Variants in STX2 observed in about 807,000 individuals in gnomAD.
STX2 encodes syntaxin-2.
Under a neutral mutation model 40.6 loss-of-function variants are expected in STX2, and 27 were observed. The ratio of observed to expected loss-of-function variants is 0.66; its 90% CI spans 0.49 to 0.92. The LOEUF (loss-of-function observed/expected upper bound fraction) is 0.92. STX2 is among the 40% of genes least tolerant of loss of function. The pLI, the probability that STX2 is intolerant of heterozygous loss-of-function variation, is 0.00. For missense variants in STX2, 328 were observed against 366.1 expected (o/e 0.90, Z 0.85); for synonymous variants, 123 against 119.1 (o/e 1.03, Z -0.22).
chr12:130,813,269 A>G lies in STX2; in HGVS notation c.206-238T>C, dbSNP rs79508530. On this transcript the variant is annotated intron_variant, in intron 3 of 10. Coordinates refer to ENST00000392373, the MANE Select transcript of STX2 (RefSeq NM_194356.4). ...AATCCCTGGGGCCCACCCTGGACCTACTCAGAAACTGAGGTGGGGACAGTG... is the reference window on the plus strand; with the variant it reads ...AATCCCTGGGGCCCACCCTGGACCTGCTCAGAAACTGAGGTGGGGACAGTG... Among the ~76,000 whole-genome samples the G allele has an allele frequency of 1.5e-3, 223 of 152,282 alleles. 5 individuals carry two copies. In the East Asian group the frequency reaches 0.033, roughly 23 times the overall value.
At chr12:130,796,755 G>A (rs149200513) in intron 9 of STX2, among the ~76,000 whole-genome samples, 12 of 152,246 alleles carry the variant, frequency 7.9e-5, no homozygotes, top group East Asian at 7.7e-4. Context: ...GCTCAGTGAC[G>A]GAGAGCCCCA....
At chr12:130,804,323 C>T (rs761610802) in intron 6 of STX2, among the ~76,000 whole-genome samples, 3 of 152,152 alleles carry the variant, frequency 2.0e-5, no homozygotes, top group Admixed American at 6.5e-5. Flanking sequence ...GAAGACAGCC[C>T]GCTGTGTGGC....
At chr12:130,803,912 G>C (rs934029812) in intron 6 of STX2, among the ~76,000 whole-genome samples, 3 of 152,160 alleles carry the variant, frequency 2.0e-5, no homozygotes, top group Non-Finnish European at 4.4e-5. Flanking sequence ...ACTGAGTCAT[G>C]GCTATTTATA....
Position 130,839,073 on chromosome 12 carries a change from C to G in STX2, c.27G>C (p.Thr9=). The stretch of plus-strand genomic sequence containing the variant: ...GCTACCCGCGGCTGCCGCTCACCGC[C>G]GTCAGGTCTGGCAGCCGGTCCCGCA... MRDRLPDL[T]ACRKNDDGDT... Residue 9 remains threonine (T), a synonymous_variant, in exon 1 of 11, where the codon ACG becomes ACC. Coordinates refer to ENST00000392373, the MANE Select transcript of STX2 (RefSeq NM_194356.4). 1 of 1,341,078 alleles carries G rather than the reference C, an allele frequency of 7.5e-7. No individual in the cohort carries two copies. Among genetic ancestry groups the G allele is most frequent in the Non-Finnish European group, 9.6e-7 (1 of 1,042,342 alleles). The allele number at this position is 1,341,078 out of a possible 1,614,324, so 83.1% of individuals were successfully genotyped here. A position where few individuals can be genotyped will look rare whatever the true frequency, so the allele number is the denominator to read the frequency against.
chr12:130,831,529 G>C (rs77377351), intron 1 of STX2, among the ~76,000 whole-genome samples: 1 of 152,054 alleles, frequency 6.6e-6, no homozygotes, highest in African/African-American at 2.4e-5. Context: ...TTAGCCAGGC[G>C]TGGTGGCTCA....
rs1232424010 is a variant in STX2 at position 130,818,184 on chromosome 12, AAATAT to A, written c.205+3500_205+3504del. 6.2e-4 allele frequency among the ~76,000 whole-genome samples: 23 copies of A among 37,254 alleles called. 1 individual carries two copies. The highest frequency in any genetic ancestry group is 9.6e-4 in the African/African-American group (12 of 12,436). 24.4% of individuals were successfully genotyped at this position (37,254 alleles called of 152,430 possible). On this transcript the variant is annotated intron_variant, in intron 3 of 10. Transcript: ENST00000392373. Reference sequence around the variant, plus strand: ...CGCTGTTTCTACAAAAAAAAAAAAAAAATATATATATATATATATATATATATATA... The same window carrying A: ...CGCTGTTTCTACAAAAAAAAAAAAAAATATATATATATATATATATATATA...
chr12:130,791,548 A>G lies in STX2; in HGVS notation c.*475T>C, dbSNP rs376698581. 2.2e-4 allele frequency: 37 copies of G among 166,122 alleles called. No homozygotes were observed. The East Asian group carries it at 3.8e-3, about 17-fold the overall frequency. The allele number at this position is 166,122 out of a possible 1,614,324, so 10.3% of individuals were successfully genotyped here. ...CTCAAAAAAAAAAAAAAAAGCCTTC[A>G]TAACATAAAGCATTCCTTCCTAATT... On this transcript the variant is annotated 3_prime_UTR_variant, in exon 11 of 11. Coordinates refer to ENST00000392373, the MANE Select transcript of STX2 (RefSeq NM_194356.4).
At chr12:130,801,683 G>A (rs185306370) in intron 6 of STX2, among the ~76,000 whole-genome samples, 195 bp from the exon 7 acceptor site, 218 of 152,248 alleles carry the variant, frequency 1.4e-3, no homozygotes, top group Non-Finnish European at 2.5e-3. Context: ...AAAATACTCC[G>A]AGAAACTTTG....
intron 6 of STX2, among the ~76,000 whole-genome samples, chr12:130,803,932 C>A (rs1439592039): frequency 6.6e-6 from 1 of 152,188 alleles, no homozygotes; most frequent in African/African-American, 2.4e-5. Flanking sequence ...AATCTTAACT[C>A]CTCCCCCTTA....
chr12:130,839,100 C>A lies in STX2; in HGVS notation c.-1G>T. On this transcript the variant is annotated 5_prime_UTR_variant, in exon 1 of 11. Transcript: ENST00000392373. ...TCAGGTCTGGCAGCCGGTCCCGCATCCCCGCCGGCCGGGCAGCGCGCCCCG... is the reference window on the plus strand; with the variant it reads ...TCAGGTCTGGCAGCCGGTCCCGCATACCCGCCGGCCGGGCAGCGCGCCCCG... 7.7e-7 allele frequency: 1 copy of A among 1,293,494 alleles called. No homozygotes were observed. The highest frequency in any genetic ancestry group is 9.8e-7 in the Non-Finnish European group (1 of 1,016,898). 80.1% of individuals were successfully genotyped at this position (1,293,494 alleles called of 1,614,324 possible).
intron 3 of STX2, among the ~76,000 whole-genome samples, chr12:130,814,407 G>C (rs141305893): frequency 7.9e-5 from 12 of 152,208 alleles, no homozygotes; most frequent in Middle Eastern, 3.4e-3. Flanking sequence ...TGACCTGGGA[G>C]TGGAGAGACT....
In STX2 at chr12:130,824,162, G is replaced by A. The variant is rs1050207602; in HGVS notation, c.106-2374C>T. Among the ~76,000 whole-genome samples the A allele has an allele frequency of 1.1e-4, 5 of 44,796 alleles. No homozygotes were observed. In the Admixed American group the frequency reaches 1.6e-3, roughly 14 times the overall value. The allele number at this position is 44,796 out of a possible 152,430, so 29.4% of individuals were successfully genotyped here. A position where few individuals can be genotyped will look rare whatever the true frequency, so the allele number is the denominator to read the frequency against. ...CCCAGCATTTTGGGAGGCCAAGGCGGGCAGATCACTTGAGGTCAAAAGTTC... is the reference window on the plus strand; with the variant it reads ...CCCAGCATTTTGGGAGGCCAAGGCGAGCAGATCACTTGAGGTCAAAAGTTC... On this transcript the variant is annotated intron_variant, in intron 2 of 10. Coordinates refer to ENST00000392373, the MANE Select transcript of STX2 (RefSeq NM_194356.4).
At chr12:130,814,327 G>C (rs555468239) in intron 3 of STX2, among the ~76,000 whole-genome samples, 13 of 152,278 alleles carry the variant, frequency 8.5e-5, no homozygotes, top group African/African-American at 3.1e-4. Flanking sequence ...GACGAGACAG[G>C]GTTCACAAAA....
Position 130,806,910 on chromosome 12 carries a change from TAA to T in STX2, c.463+70_463+71del. 2.2e-6 allele frequency: 3 copies of T among 1,388,376 alleles called. No individual in the cohort carries two copies. In the South Asian group the frequency reaches 3.6e-5, roughly 17 times the overall value. 86.0% of individuals were successfully genotyped at this position (1,388,376 alleles called of 1,614,324 possible). ...AGACATGGATTTCCTTTTCTGAAGTTAAAGTCATTTGAAGTGAGACCTTAAGG... is the reference window on the plus strand; with the variant it reads ...AGACATGGATTTCCTTTTCTGAAGTTAGTCATTTGAAGTGAGACCTTAAGG... On this transcript the variant is annotated intron_variant, in intron 6 of 10. Coordinates refer to ENST00000392373, the MANE Select transcript of STX2 (RefSeq NM_194356.4).
chr12:130,814,631 T>C (rs1030223557), intron 3 of STX2, among the ~76,000 whole-genome samples: 8 of 137,306 alleles, frequency 5.8e-5, no homozygotes, highest in African/African-American at 1.6e-4. Flanking sequence ...GAAAGACTTT[T>C]TTTTTTTTTT....
chr12:130,796,185 C>T lies in STX2; in HGVS notation c.787-65G>A. 3 of 1,594,978 alleles carry T rather than the reference C, an allele frequency of 1.9e-6. No individual in the cohort carries two copies. The South Asian group carries it at 3.4e-5, about 18-fold the overall frequency. On this transcript the variant is annotated intron_variant, in intron 9 of 10. Transcript: ENST00000392373. ...AATTTCATATTGCCACATTAAAAGA[C>T]ATCCTTCATTTAAAATAAAACGACC...
In STX2 at chr12:130,839,056, C is replaced by T; in HGVS notation, c.30+14G>A. 7.4e-7 allele frequency: 1 copy of T among 1,343,492 alleles called. No homozygotes were observed. Among genetic ancestry groups the T allele is most frequent in the South Asian group, 1.8e-5 (1 of 54,178 alleles). 83.2% of individuals were successfully genotyped at this position (1,343,492 alleles called of 1,614,324 possible). Reference sequence around the variant, plus strand: ...CCGGCCGGGCCTGAACCGCTACCCGCGGCTGCCGCTCACCGCCGTCAGGTC... The same window carrying T: ...CCGGCCGGGCCTGAACCGCTACCCGTGGCTGCCGCTCACCGCCGTCAGGTC... On this transcript the variant is annotated intron_variant, in intron 1 of 10. Coordinates refer to ENST00000392373, the MANE Select transcript of STX2 (RefSeq NM_194356.4).
chr12:130,827,866 G>A (rs919712132), intron 1 of STX2, among the ~76,000 whole-genome samples: 1 of 152,072 alleles, frequency 6.6e-6, no homozygotes, highest in Non-Finnish European at 1.5e-5. Flanking sequence ...CCATGCCTGT[G>A]GTCCCAGCTA....
intron 9 of STX2, among the ~76,000 whole-genome samples, chr12:130,797,036 A>G (rs558055917): frequency 6.6e-6 from 1 of 152,328 alleles, no homozygotes; most frequent in South Asian, 2.1e-4. Flanking sequence ...GGAGGGTTCC[A>G]TTAGCAGGCA....
Sources: gnomAD v4.1 joint callset for allele counts (sites outside exome capture counted in the v4.1 genomes callset) on GRCh38, gnomAD v4.1.1 for gene constraint, MANE v1.5 for transcripts, NCBI Gene and HGNC (gene_info 2026-07-23, HGNC 2026-07-21) for gene names.